Variants in PDIA5 observed in about 807,000 individuals in gnomAD.
The protein encoded by PDIA5 is protein disulfide isomerase family A member 5, also known as protein disulfide-isomerase A5.
A neutral mutation model predicts 77.6 loss-of-function variants in PDIA5; 58 were observed. The observed-to-expected ratio is 0.75, with a 90% CI of 0.61 to 0.93. PDIA5 has a LOEUF of 0.93. Among genes scored for constraint, PDIA5 ranks in the 40% least tolerant of loss-of-function variants. The probability of loss-of-function intolerance (pLI) is 0.00; values close to 1 mark genes in which losing one functional copy is unlikely to be tolerated. For synonymous variants in PDIA5, 250 were observed against 252.1 expected (o/e 0.99, Z 0.08); for missense variants, 630 against 647.7 (o/e 0.97, Z 0.30).
chr3:123,092,029 T>C (rs534182542), intron 2 of PDIA5, among the ~76,000 whole-genome samples: 3 of 152,366 alleles, frequency 2.0e-5, no homozygotes, highest in Admixed American at 6.5e-5. Flanking sequence ...TCGGAGACTT[T>C]ACTGGCCTTG....
intron 1 of PDIA5, among the ~76,000 whole-genome samples, chr3:123,079,254 C>A (rs1356751796): frequency 1.4e-5 from 2 of 143,236 alleles, no homozygotes; most frequent in Admixed American, 1.5e-4. Flanking sequence ...GATCTCGGCT[C>A]ACTGCAAGCT....
chr3:123,119,984 CT>C (rs1935072947), intron 8 of PDIA5, among the ~76,000 whole-genome samples: 1 of 152,206 alleles, frequency 6.6e-6, no homozygotes, highest in South Asian at 2.1e-4. Flanking sequence ...CTCTTTTGTG[CT>C]GTCATTGACG....
chr3:123,114,592 G>T (rs922700717), intron 7 of PDIA5, among the ~76,000 whole-genome samples: 3 of 152,172 alleles, frequency 2.0e-5, no homozygotes, highest in African/African-American at 7.2e-5. Context: ...CTTCCTCTGC[G>T]CCATCTGCAG....
intron 1 of PDIA5, among the ~76,000 whole-genome samples, chr3:123,068,589 G>C (rs1342739243): frequency 6.6e-6 from 1 of 152,208 alleles, no homozygotes; most frequent in Non-Finnish European, 1.5e-5. Context: ...TTTGCACTTG[G>C]GCTGAGTAGG....
At chr3:123,102,656 A>G in intron 4 of PDIA5, 95 bp from the exon 5 acceptor site, 1 of 1,184,288 alleles carries the variant, frequency 8.4e-7, no homozygotes, top group Non-Finnish European at 1.3e-6. Context: ...AACTCCGTTC[A>G]AAAGCTGAAT....
intron 3 of PDIA5, among the ~76,000 whole-genome samples, chr3:123,101,906 C>CCTTTTTTTTTT: frequency 1.4e-5 from 1 of 71,378 alleles, no homozygotes; most frequent in Admixed American, 2.6e-4. Flanking sequence ...TTCTTTCTTG[C>CCTTTTTTTTTT]TTTTTTTTTT....
At chr3:123,089,485 G>A (rs1390530144) in intron 2 of PDIA5, among the ~76,000 whole-genome samples, 191 bp downstream of exon 2, 1 of 152,230 alleles carries the variant, frequency 6.6e-6, no homozygotes, top group Non-Finnish European at 1.5e-5. Context: ...TTTCTGATCC[G>A]AGGGGGTGGT....
intron 6 of PDIA5, among the ~76,000 whole-genome samples, chr3:123,108,281 CTT>C (rs1241360740): frequency 2.5e-4 from 34 of 133,652 alleles, no homozygotes; most frequent in East Asian, 2.3e-4. Context: ...TTGAAGATGT[CTT>C]TTTTTTTTTT....
chr3:123,072,621 G>C (rs887710244), intron 1 of PDIA5, among the ~76,000 whole-genome samples: 3 of 152,192 alleles, frequency 2.0e-5, no homozygotes, highest in Admixed American at 6.5e-5. Context: ...AGGTAGGGGG[G>C]GTGGTGCAGA....
At chr3:123,105,739 GCACACA>G (rs3080448) in intron 5 of PDIA5, among the ~76,000 whole-genome samples, 9 of 149,938 alleles carry the variant, frequency 6.0e-5, no homozygotes, top group East Asian at 5.9e-4. Flanking sequence ...CCACACACAC[GCACACA>G]CACACACACA....
chr3:123,068,534 G>A (rs1196854391), intron 1 of PDIA5, among the ~76,000 whole-genome samples: 1 of 152,194 alleles, frequency 6.6e-6, no homozygotes, highest in Non-Finnish European at 1.5e-5. Flanking sequence ...GCGGGTCTCT[G>A]GGCCAGGAGG....
intron 11 of PDIA5, among the ~76,000 whole-genome samples, chr3:123,139,080 A>G (rs1935564961): frequency 6.6e-6 from 1 of 152,248 alleles, no homozygotes; most frequent in Admixed American, 6.5e-5. Flanking sequence ...GTTGATGTGC[A>G]GACCTCTATG....
At chr3:123,116,892 CAT>C (rs963896339) in intron 8 of PDIA5, among the ~76,000 whole-genome samples, 2 of 150,910 alleles carry the variant, frequency 1.3e-5, no homozygotes, top group African/African-American at 4.9e-5. Context: ...AATGGAGACA[CAT>C]GTGTCCTAGG....
chr3:123,072,912 C>CTGTGTGTGTGTGTGTG (rs66567660), intron 1 of PDIA5, among the ~76,000 whole-genome samples: 7,106 of 146,846 alleles, frequency 0.048, 248 homozygotes, highest in Non-Finnish European at 0.07. Flanking sequence ...ACCTCTCCTT[C>CTGTGTGTGTGTGTGTG]TGTGTGTGTG....
At chr3:123,125,500 C>T (rs917887505) in intron 10 of PDIA5, among the ~76,000 whole-genome samples, 3 of 152,114 alleles carry the variant, frequency 2.0e-5, no homozygotes, top group Admixed American at 6.5e-5. Flanking sequence ...AAGTTCTGCT[C>T]GGAGCCCCTC....
chr3:123,122,029 C>A (rs1250228099), intron 8 of PDIA5, among the ~76,000 whole-genome samples: 9 of 152,200 alleles, frequency 5.9e-5, no homozygotes, highest in Admixed American at 5.9e-4. Flanking sequence ...GTGCAGAAAT[C>A]TCAGACTGTC....
intron 10 of PDIA5, among the ~76,000 whole-genome samples, chr3:123,127,382 A>G (rs1226023492): frequency 6.6e-6 from 1 of 152,216 alleles, no homozygotes. Context: ...TCATGCTTGA[A>G]TGACTCTTAT....
At chr3:123,105,426 A>T (rs1370950230) in intron 5 of PDIA5, among the ~76,000 whole-genome samples, 1 of 152,164 alleles carries the variant, frequency 6.6e-6, no homozygotes, top group Admixed American at 6.5e-5. Context: ...TGCCAATTCC[A>T]TAGTTCCTTA....
rs990501062 is a variant in PDIA5 at position 123,143,360 on chromosome 3, C to G, written c.911-2162C>G. Among the ~76,000 whole-genome samples the G allele has an allele frequency of 2.8e-5, 4 of 140,826 alleles. No individual in the cohort carries two copies. The Admixed American group carries it at 3.0e-4, about 11-fold the overall frequency. 92.4% of individuals were successfully genotyped at this position (140,826 alleles called of 152,430 possible). ...ACATCGTGTGCCACTGTACTCCAGC[C>G]TGGGTGACAGAGCGAGACTCCATCT... On this transcript the variant is annotated intron_variant, in intron 11 of 16. Transcript: ENST00000316218.
Sources: gnomAD v4.1 joint callset for allele counts (sites outside exome capture counted in the v4.1 genomes callset) on GRCh38, gnomAD v4.1.1 for gene constraint, MANE v1.5 for transcripts, NCBI Gene and HGNC (gene_info 2026-07-23, HGNC 2026-07-21) for gene names.